PBRM1: variants seen among roughly 807,000 people sequenced by gnomAD.
PBRM1 encodes the protein protein polybromo-1.
In PBRM1, 27 loss-of-function variants were observed where a neutral mutation model predicts 194.5. The observed-to-expected ratio is 0.14, with a 90% CI of 0.10 to 0.19. The LOEUF is 0.19. PBRM1 is among the 10% of genes least tolerant of loss of function. The probability of loss-of-function intolerance (pLI) is 1.00; values close to 1 mark genes in which losing one functional copy is unlikely to be tolerated. For synonymous variants in PBRM1, 655 were observed against 693.2 expected (o/e 0.94, Z 0.87); for missense variants, 1,466 against 2,077.2 (o/e 0.71, Z 5.72).
At chr3:52,654,431 A>G (rs906148979) in intron 5 of PBRM1, among the ~76,000 whole-genome samples, 1 of 152,208 alleles carries the variant, frequency 6.6e-6, no homozygotes, top group Non-Finnish European at 1.5e-5. Context: ...AAAGTAATTC[A>G]AAGTCATCCA....
At chr3:52,676,449 TCTTG>T (rs1561105396) in intron 2 of PBRM1, among the ~76,000 whole-genome samples, 1 of 152,150 alleles carries the variant, frequency 6.6e-6, no homozygotes, top group African/African-American at 2.4e-5. Context: ...CACTTTTGCT[TCTTG>T]CTTATTTTTC....
intron 13 of PBRM1, 76 bp downstream of exon 15, chr3:52,624,821 T>C (rs2095394426): frequency 5.1e-6 from 5 of 971,514 alleles, no homozygotes; most frequent in Non-Finnish European, 8.0e-6. Context: ...GCTTCACTTT[T>C]CACCTAATCA....
rs115070233 is a variant in PBRM1 at position 52,678,778 on chromosome 3, T to C, written c.139-181A>G. 3.3e-3 allele frequency among the ~76,000 whole-genome samples: 510 copies of C among 152,348 alleles called. 4 individuals carry two copies. Among genetic ancestry groups the C allele is most frequent in the African/African-American group, 0.012 (486 of 41,586 alleles). Reference sequence around the variant, plus strand: ...GACAATATGTCTCCTTTCAAACAACTGAGTTGACTAACTTTTTGGTATCTT... The same window carrying C: ...GACAATATGTCTCCTTTCAAACAACCGAGTTGACTAACTTTTTGGTATCTT... On this transcript the variant is annotated intron_variant, in intron 1 of 29. Coordinates refer to ENST00000296302, the Ensembl canonical transcript of PBRM1.
intron 4 of PBRM1, among the ~76,000 whole-genome samples, chr3:52,660,765 G>C (rs1210072201): frequency 6.6e-6 from 1 of 152,084 alleles, no homozygotes; most frequent in African/African-American, 2.4e-5. Context: ...TGCCTGCCTT[G>C]GCCTCCCAAA....
At chr3:52,558,255 C>T in exon 26 of PBRM1, 1 of 1,515,332 alleles carries the variant, frequency 6.6e-7, no homozygotes, top group Non-Finnish European at 8.9e-7. Flanking sequence ...TTACCTGCAA[C>T]AGGTGTCAAC....
chr3:52,584,544 C>T (rs561712754), intron 20 of PBRM1, among the ~76,000 whole-genome samples: 2 of 147,988 alleles, frequency 1.4e-5, no homozygotes, highest in East Asian at 4.0e-4. Flanking sequence ...CAGCCTCTAC[C>T]TCCTGGGCTC....
intron 16 of PBRM1, among the ~76,000 whole-genome samples, chr3:52,604,397 T>C (rs1241354051): frequency 6.6e-6 from 1 of 152,224 alleles, no homozygotes; most frequent in African/African-American, 2.4e-5. Context: ...CTGAGTCTCC[T>C]TCCTCATTTA....
At chr3:52,678,107 A>G (rs568955847) in intron 2 of PBRM1, among the ~76,000 whole-genome samples, 1 of 152,240 alleles carries the variant, frequency 6.6e-6, no homozygotes, top group Non-Finnish European at 1.5e-5. Flanking sequence ...CTTGGCCTCA[A>G]GAGATCTTTC....
intron 3 of PBRM1, among the ~76,000 whole-genome samples, chr3:52,662,641 C>T (rs2096747669): frequency 6.6e-6 from 1 of 152,092 alleles, no homozygotes; most frequent in Non-Finnish European, 1.5e-5. Flanking sequence ...TCCTGGCCAA[C>T]ATGGTGAAAC....
intron 22 of PBRM1, among the ~76,000 whole-genome samples, chr3:52,574,290 C>A (rs758463710): frequency 6.6e-6 from 1 of 152,186 alleles, no homozygotes; most frequent in Non-Finnish European, 1.5e-5. Context: ...TTTACATGAG[C>A]CCTTTTTATA....
intron 25 of PBRM1, chr3:52,560,703 G>T (rs376633041): frequency 6.6e-6 from 1 of 152,090 alleles, no homozygotes; most frequent in South Asian, 2.1e-4. Context: ...TTCTCAAACT[G>T]GTTTTGCCAC....
intron 16 of PBRM1, among the ~76,000 whole-genome samples, chr3:52,605,254 C>T (rs1263486989): frequency 6.6e-6 from 1 of 152,114 alleles, no homozygotes; most frequent in African/African-American, 2.4e-5. Context: ...CCCTGTGTTG[C>T]CCAGGCTGGT....
Position 52,609,969 on chromosome 3 carries a change from T to A in PBRM1, c.1925-14A>T, listed in dbSNP as rs371142935. ...CACTCTTCCTACCTAAAGAGAGATA[T>A]TTAATGTTAAATGAATAAAATAAAT... On this transcript the variant is annotated splice_polypyrimidine_tract_variant and intron_variant, in intron 15 of 29. Transcript: ENST00000296302. This position sits in a 1 kb window ranked among gnomAD's most constrained non-coding sequence, Gnocchi z 4.1. 3.9e-5 allele frequency: 55 copies of A among 1,417,926 alleles called. No individual in the cohort carries two copies. In the Middle Eastern group the frequency reaches 9.2e-4, roughly 24 times the overall value. The allele number at this position is 1,417,926 out of a possible 1,614,324, so 87.8% of individuals were successfully genotyped here. A position where few individuals can be genotyped will look rare whatever the true frequency, so the allele number is the denominator to read the frequency against.
chr3:52,637,912 C>T (rs1031041675), intron 10 of PBRM1, among the ~76,000 whole-genome samples: 1 of 151,816 alleles, frequency 6.6e-6, no homozygotes, highest in Admixed American at 6.6e-5. Context: ...CGCCATTGCA[C>T]TCCAGCCTGG....
At chr3:52,626,151 T>A (rs1438644009) in intron 13 of PBRM1, among the ~76,000 whole-genome samples, 9 of 152,196 alleles carry the variant, frequency 5.9e-5, no homozygotes, top group Non-Finnish European at 4.4e-5. Context: ...CACTCAAAGT[T>A]GTTCTTGTTC....
At chr3:52,668,194 G>A (rs557509940) in intron 3 of PBRM1, among the ~76,000 whole-genome samples, 1 of 152,328 alleles carries the variant, frequency 6.6e-6, no homozygotes, top group African/African-American at 2.4e-5. Context: ...CTACTCAGAA[G>A]GGTGAGGTGG....
chr3:52,563,541 G>T, intron 23 of PBRM1, 48 bp from the exon 26 acceptor site: 1 of 1,315,770 alleles, frequency 7.6e-7, no homozygotes, highest in Non-Finnish European at 1.1e-6. Flanking sequence ...TGCCCCTCCA[G>T]AATAAGCCGG....
chr3:52,597,447 A>G (rs541724093), intron 17 of PBRM1, among the ~76,000 whole-genome samples: 5 of 152,212 alleles, frequency 3.3e-5, no homozygotes, highest in Non-Finnish European at 5.9e-5. Context: ...GAAAACTGTT[A>G]TCTAGCAATT....
intron 10 of PBRM1, among the ~76,000 whole-genome samples, chr3:52,636,222 T>C (rs1370870419): frequency 6.6e-6 from 1 of 152,140 alleles, no homozygotes; most frequent in South Asian, 2.1e-4. Context: ...CTCTGTGACT[T>C]TGCCCACTGA....
Sources: allele counts gnomAD v4.1 joint callset (sites outside exome capture counted in the v4.1 genomes callset), GRCh38; gene constraint gnomAD v4.1.1; non-coding constraint Gnocchi (gnomAD v3.1); transcripts MANE v1.5; gene names NCBI Gene and HGNC (gene_info 2026-07-23, HGNC 2026-07-21).